FIP1L1: variants seen among roughly 807,000 people sequenced by gnomAD.
The protein encoded by FIP1L1 is pre-mRNA 3'-end-processing factor FIP1.
FIP1L1 carries 21 observed loss-of-function variants against 84.6 expected under a neutral mutation model. That is an observed-to-expected ratio of 0.25 (90% CI 0.18 to 0.36). FIP1L1 has a LOEUF of 0.36. Among genes scored for constraint, FIP1L1 ranks in the 10% least tolerant of loss-of-function variants. The pLI is 1.00. For missense variants in FIP1L1, 526 were observed against 751.1 expected, an observed-to-expected ratio of 0.70 and a Z score of 3.50; for synonymous variants, 263 against 242.3, an observed-to-expected ratio of 1.09 and a Z score of -0.80.
rs534655165 is a variant in FIP1L1 at position 53,414,513 on chromosome 4, A to G, written c.816-102A>G. ...AGAATGATACTGTAGGAACATACTAAAAGACTTTAGAAAAAGCATGTCAAG... is the reference window on the plus strand; with the variant it reads ...AGAATGATACTGTAGGAACATACTAGAAGACTTTAGAAAAAGCATGTCAAG... On this transcript the variant is annotated intron_variant, in intron 10 of 17. Transcript: ENST00000337488. The G allele has an allele frequency of 5.1e-4, 353 of 698,680 alleles. 1 individual carries two copies. The highest frequency in any genetic ancestry group is 1.5e-3 in the Middle Eastern group (6 of 3,930). The allele number at this position is 698,680 out of a possible 1,614,324, so 43.3% of individuals were successfully genotyped here.
intron 16 of FIP1L1, among the ~76,000 whole-genome samples, chr4:53,457,658 T>G (rs79627543): frequency 6.6e-6 from 1 of 152,286 alleles, no homozygotes; most frequent in East Asian, 1.9e-4. Flanking sequence ...ACTACTTTCA[T>G]AATTCATATT....
At chr4:53,403,455 A>C (rs1435786034) in intron 10 of FIP1L1, among the ~76,000 whole-genome samples, 2 of 152,226 alleles carry the variant, frequency 1.3e-5, no homozygotes, top group East Asian at 3.9e-4. Context: ...ATCTTTATTA[A>C]TCAAAATAGA....
intron 11 of FIP1L1, among the ~76,000 whole-genome samples, chr4:53,419,069 T>A (rs1306069465): frequency 1.3e-5 from 2 of 152,164 alleles, no homozygotes; most frequent in Non-Finnish European, 2.9e-5. Context: ...GAGCTGTGTC[T>A]TTTCCTATCA....
chr4:53,380,675 C>A (rs1383103272), intron 3 of FIP1L1, among the ~76,000 whole-genome samples: 1 of 152,144 alleles, frequency 6.6e-6, no homozygotes, highest in East Asian at 1.9e-4. Flanking sequence ...CCCCTATAGT[C>A]TTTTCACTCA....
rs868153388 is a variant in FIP1L1 at position 53,399,785 on chromosome 4, A to T, written c.761A>T (p.Lys254Ile). 6.2e-7 allele frequency: 1 copy of T among 1,613,806 alleles called. No homozygotes were observed. ...SEKETALPSTKAEFTSPPSLF... is the reference protein window; with the variant it reads ...SEKETALPSTIAEFTSPPSLF... ...AAAGAAACTGCCCTTCCATCTACAA[A>T]AGCTGAGTTTACTTCTCCTCCTTCT... The change falls in exon 10 of 18, where the codon AAA becomes ATA. Residue 254 changes from lysine to isoleucine, a missense_variant. Transcript: ENST00000337488.
intron 9 of FIP1L1, 115 bp downstream of exon 9, chr4:53,391,613 T>G (rs1560496031): frequency 1.4e-6 from 1 of 697,298 alleles, no homozygotes; most frequent in East Asian, 2.8e-5. Context: ...TTTCCAAACC[T>G]TCAGCTTCCT....
intron 3 of FIP1L1, among the ~76,000 whole-genome samples, chr4:53,381,641 G>A (rs748865564): frequency 6.6e-5 from 10 of 151,546 alleles, no homozygotes; most frequent in Admixed American, 4.6e-4. Context: ...ATTGATTTAG[G>A]ATAATTAAAA....
chr4:53,426,516 A>G (rs1385017314), intron 12 of FIP1L1, among the ~76,000 whole-genome samples: 9 of 152,080 alleles, frequency 5.9e-5, no homozygotes. Flanking sequence ...ATTTTAGAGC[A>G]TTTCAGATTT....
chr4:53,425,836 A>AG, intron 11 of FIP1L1, 36 bp from the exon 12 acceptor site: 1 of 1,412,462 alleles, frequency 7.1e-7, no homozygotes, highest in Non-Finnish European at 9.9e-7. Flanking sequence ...GCATCTAATT[A>AG]GGTGAAACTG....
Position 53,459,504 on chromosome 4 carries a change from T to C in FIP1L1, c.*55T>C. On this transcript the variant is annotated 3_prime_UTR_variant, in exon 18 of 18. Transcript: ENST00000337488. ...TACCAGAAGTAGATACTATAAATCT[T>C]GTTATTTTTCTGGATAATGTTTAAG... 1 of 1,607,704 alleles carries C rather than the reference T, an allele frequency of 6.2e-7. No individual in the cohort carries two copies. The highest frequency in any genetic ancestry group is 8.5e-7 in the Non-Finnish European group (1 of 1,176,186).
At chr4:53,421,382 A>C (rs13435297) in intron 11 of FIP1L1, among the ~76,000 whole-genome samples, 19,716 of 152,178 alleles carry the variant, frequency 0.13, 2,546 homozygotes, top group African/African-American at 0.32. Flanking sequence ...GAAATTGTGC[A>C]CATATCTACC....
chr4:53,421,392 C>T (rs908075095), intron 11 of FIP1L1, among the ~76,000 whole-genome samples: 2 of 152,030 alleles, frequency 1.3e-5, no homozygotes, highest in Non-Finnish European at 2.9e-5. Flanking sequence ...ACATATCTAC[C>T]CCTCTCCATC....
chr4:53,443,364 G>A (rs1210061685), intron 14 of FIP1L1, among the ~76,000 whole-genome samples: 1 of 101,632 alleles, frequency 9.8e-6, no homozygotes, highest in Non-Finnish European at 2.6e-5. Context: ...AGATTTAAAA[G>A]GCTACTGAAT....
At chr4:53,433,492 T>C (rs1459003760) in intron 13 of FIP1L1, among the ~76,000 whole-genome samples, 1 of 127,538 alleles carries the variant, frequency 7.8e-6, no homozygotes, top group Non-Finnish European at 1.7e-5. Flanking sequence ...GTTAATTTAC[T>C]TCAGTGTCAT....
intron 15 of FIP1L1, among the ~76,000 whole-genome samples, chr4:53,452,485 A>G (rs1716692436): frequency 6.6e-6 from 1 of 151,922 alleles, no homozygotes; most frequent in Non-Finnish European, 1.5e-5. Context: ...TGCCCGGCAA[A>G]TTTTTATATT....
At chr4:53,455,911 A>G (rs1718656713) in intron 16 of FIP1L1, among the ~76,000 whole-genome samples, 1 of 152,076 alleles carries the variant, frequency 6.6e-6, no homozygotes, top group Non-Finnish European at 1.5e-5. Context: ...ATAAAATTTT[A>G]TTGACCAAGT....
At chr4:53,458,210 A>G (rs183520406) in intron 16 of FIP1L1, among the ~76,000 whole-genome samples, 4 of 152,264 alleles carry the variant, frequency 2.6e-5, no homozygotes, top group East Asian at 1.9e-4. Flanking sequence ...GTGTATTTTT[A>G]TAATGTTAAA....
Position 53,427,681 on chromosome 4 carries a change from G to T in FIP1L1, c.1018-346G>T, listed in dbSNP as rs1288645999. ...TTAATTGAATACTTCAACTTTGGTT[G>T]GGTGACAAAGATAATACTTGTTAAA... On this transcript the variant is annotated intron_variant, in intron 12 of 17. Coordinates refer to ENST00000337488, the MANE Select transcript of FIP1L1 (RefSeq NM_030917.4). Among the ~76,000 whole-genome samples, 4 of 152,058 alleles carry T rather than the reference G, an allele frequency of 2.6e-5. No individual in the cohort carries two copies. The East Asian group carries it at 7.7e-4, about 29-fold the overall frequency.
intron 11 of FIP1L1, among the ~76,000 whole-genome samples, chr4:53,422,277 G>C (rs1481584573): frequency 6.6e-6 from 1 of 151,912 alleles, no homozygotes; most frequent in Non-Finnish European, 1.5e-5. Flanking sequence ...TTATCTTAGT[G>C]TCACCATTTT....
Sources: allele counts gnomAD v4.1 joint callset (sites outside exome capture counted in the v4.1 genomes callset), GRCh38; gene constraint gnomAD v4.1.1; transcripts MANE v1.5; gene names NCBI Gene and HGNC (gene_info 2026-07-23, HGNC 2026-07-21).